SCFD2: variants seen among roughly 807,000 people sequenced by gnomAD.
The protein encoded by SCFD2 is sec1 family domain containing 2.
SCFD2 carries 54 observed loss-of-function variants against 58.9 expected under a neutral mutation model. The ratio of observed to expected loss-of-function variants is 0.92; its 90% confidence interval spans 0.74 to 1.15. The LOEUF is 1.15. Ranked by LOEUF, SCFD2 falls within the 50% of genes most tolerant of loss-of-function variation. The probability of loss-of-function intolerance (pLI) is 0.00; values close to 1 mark genes in which losing one functional copy is unlikely to be tolerated. For synonymous variants in SCFD2, 321 were observed against 335.9 expected (o/e 0.96, Z 0.49); for missense variants, 805 against 836.6 (o/e 0.96, Z 0.47).
intron 7 of SCFD2, among the ~76,000 whole-genome samples, chr4:52,893,381 T>C (rs1289375763): frequency 2.0e-5 from 3 of 152,170 alleles, no homozygotes; most frequent in Non-Finnish European, 4.4e-5. Flanking sequence ...GTTTTTCTTA[T>C]ATGAACAATG....
chr4:53,333,348 T>G (rs1733559884), intron 2 of SCFD2, among the ~76,000 whole-genome samples: 1 of 141,572 alleles, frequency 7.1e-6, no homozygotes, highest in Non-Finnish European at 1.5e-5. Flanking sequence ...GACTTCAAAC[T>G]ATACTACAAG....
intron 5 of SCFD2, among the ~76,000 whole-genome samples, chr4:52,936,513 A>G (rs1225611957): frequency 6.6e-6 from 1 of 152,206 alleles, no homozygotes; most frequent in Non-Finnish European, 1.5e-5. Context: ...TTCTAAGTCA[A>G]TGAGTGTCTT....
intron 5 of SCFD2, among the ~76,000 whole-genome samples, chr4:53,140,792 G>A (rs1219611740): frequency 6.6e-6 from 1 of 152,120 alleles, no homozygotes; most frequent in Non-Finnish European, 1.5e-5. Flanking sequence ...GTGAGGTTGT[G>A]GCAGGTTTAG....
chr4:52,888,770 C>T (rs1257817765), intron 7 of SCFD2, among the ~76,000 whole-genome samples: 2 of 152,170 alleles, frequency 1.3e-5, no homozygotes, highest in South Asian at 2.1e-4. Context: ...TGGTTCCTTG[C>T]CCTTTGCACT....
intron 4 of SCFD2, among the ~76,000 whole-genome samples, chr4:53,159,251 T>G (rs1326285393): frequency 1.3e-5 from 2 of 152,360 alleles, no homozygotes; most frequent in East Asian, 3.9e-4. Flanking sequence ...CTAATTACCC[T>G]GTAATATGGC....
intron 4 of SCFD2, among the ~76,000 whole-genome samples, chr4:53,215,484 C>T (rs1440977124): frequency 7.9e-5 from 12 of 151,358 alleles, no homozygotes; most frequent in African/African-American, 1.9e-4. Context: ...GTGATTTTTG[C>T]ACATTGATTT....
At chr4:53,230,415 A>G (rs1342760520) in intron 4 of SCFD2, among the ~76,000 whole-genome samples, 1 of 152,212 alleles carries the variant, frequency 6.6e-6, no homozygotes, top group East Asian at 1.9e-4. Flanking sequence ...AATGTGGCAC[A>G]TATACACCAT....
intron 4 of SCFD2, among the ~76,000 whole-genome samples, chr4:53,174,130 T>C (rs554947533): frequency 2.0e-5 from 3 of 152,054 alleles, no homozygotes; most frequent in African/African-American, 7.2e-5. Flanking sequence ...AAAATGAGGA[T>C]AAATCTGAAG....
At chr4:53,299,603 A>G (rs1732193361) in intron 3 of SCFD2, among the ~76,000 whole-genome samples, 1 of 151,816 alleles carries the variant, frequency 6.6e-6, no homozygotes, top group Admixed American at 6.6e-5. Flanking sequence ...AGAATACCAC[A>G]AAGATAATCC....
At chr4:53,242,877 GA>G (rs940592324) in intron 4 of SCFD2, among the ~76,000 whole-genome samples, 8 of 152,146 alleles carry the variant, frequency 5.3e-5, no homozygotes, top group African/African-American at 1.9e-4. Context: ...GTTGAGGAAA[GA>G]ATCTCAAAGC....
intron 4 of SCFD2, among the ~76,000 whole-genome samples, chr4:53,204,803 A>T (rs1728358427): frequency 6.6e-6 from 1 of 150,716 alleles, no homozygotes; most frequent in Non-Finnish European, 1.5e-5. Flanking sequence ...CTTCCATAGT[A>T]AGGAAAAACA....
At chr4:53,356,545 C>A (rs1049178254) in intron 1 of SCFD2, among the ~76,000 whole-genome samples, 4 of 152,086 alleles carry the variant, frequency 2.6e-5, no homozygotes, top group African/African-American at 9.7e-5. Context: ...CCCACCTCAG[C>A]CTCCTGAAGA....
At chr4:53,169,520 A>G (rs11133247) in intron 4 of SCFD2, among the ~76,000 whole-genome samples, 15,229 of 152,106 alleles carry the variant, frequency 0.1, 917 homozygotes, top group East Asian at 0.24. Flanking sequence ...GAGAGTGCAG[A>G]TATCTCTTCA....
intron 5 of SCFD2, among the ~76,000 whole-genome samples, chr4:52,996,979 T>A (rs192685805): frequency 3.3e-5 from 5 of 152,226 alleles, no homozygotes; most frequent in Admixed American, 3.3e-4. Context: ...ATACTCAGAA[T>A]AAAAAACAAA....
At chr4:53,252,890 G>A (rs1730449945) in intron 4 of SCFD2, among the ~76,000 whole-genome samples, 2 of 152,106 alleles carry the variant, frequency 1.3e-5, no homozygotes. Flanking sequence ...TGACAAATGG[G>A]ATCTCATTAA....
chr4:52,883,974 G>C (rs748095621), intron 8 of SCFD2, among the ~76,000 whole-genome samples: 1 of 152,098 alleles, frequency 6.6e-6, no homozygotes, highest in Non-Finnish European at 1.5e-5. Flanking sequence ...GACCAGCAGG[G>C]ACCAGACCTT....
At chr4:53,077,843 T>C (rs1417684869) in intron 5 of SCFD2, among the ~76,000 whole-genome samples, 1 of 152,210 alleles carries the variant, frequency 6.6e-6, no homozygotes, top group East Asian at 1.9e-4. Flanking sequence ...TAACTTGCAG[T>C]AGATCACATA....
chr4:53,012,836 G>GTGTTT (rs1553914338), intron 5 of SCFD2, among the ~76,000 whole-genome samples: 6 of 145,112 alleles, frequency 4.1e-5, no homozygotes, highest in East Asian at 2.0e-4. Flanking sequence ...GTGTGTGTGT[G>GTGTTT]TTTTTTTTTA....
intron 1 of SCFD2, among the ~76,000 whole-genome samples, chr4:53,363,392 GC>G: frequency 6.6e-6 from 1 of 151,970 alleles, no homozygotes; most frequent in South Asian, 2.1e-4. Flanking sequence ...CAAGCAGTCT[GC>G]CCCCCTCAGC....
Sources: allele counts gnomAD v4.1 joint callset (sites outside exome capture counted in the v4.1 genomes callset), GRCh38; gene constraint gnomAD v4.1.1; transcripts MANE v1.5; gene names NCBI Gene and HGNC (gene_info 2026-07-23, HGNC 2026-07-21).